The following MYCBP2 variants were observed in gnomAD, a reference collection of about 807,000 sequenced individuals.
MYCBP2 encodes MYC binding protein 2, also known as E3 ubiquitin-protein ligase MYCBP2.
A neutral mutation model predicts 525.3 loss-of-function variants in MYCBP2; 120 were observed. The ratio of observed to expected loss-of-function variants is 0.23; its 90% CI spans 0.20 to 0.27. The LOEUF (loss-of-function observed/expected upper bound fraction) is 0.27. MYCBP2 is among the 10% of genes least tolerant of loss of function. The pLI is 1.00. For missense variants in MYCBP2, 4,149 were observed against 5,657.1 expected (o/e 0.73, Z 8.55); for synonymous variants, 1,894 against 1,955.8 (o/e 0.97, Z 0.83).
intron 26 of MYCBP2, among the ~76,000 whole-genome samples, chr13:77,202,659 A>G (rs1475027788): frequency 6.6e-6 from 1 of 152,008 alleles, no homozygotes; most frequent in East Asian, 1.9e-4. Context: ...AATACTGGCA[A>G]AACGAATCCA....
chr13:77,182,646 C>T (rs1452901722), intron 32 of MYCBP2, among the ~76,000 whole-genome samples: 3 of 152,174 alleles, frequency 2.0e-5, no homozygotes, highest in African/African-American at 4.8e-5. Context: ...TTAAGTTGTG[C>T]ACTAGTCCAG....
chr13:77,077,233 A>G lies in MYCBP2; in HGVS notation c.11639T>C (p.Ile3880Thr). The G allele has an allele frequency of 6.2e-7, 1 of 1,613,982 alleles. No homozygotes were observed. Among genetic ancestry groups the G allele is most frequent in the South Asian group, 1.1e-5 (1 of 91,082 alleles). The change falls in exon 67 of 83, where the codon ATA becomes ACA. Residue 3880 changes from isoleucine to threonine, a missense_variant. Ile to Thr is a moderately conservative substitution (Grantham distance 89). This residue lies in a region of MYCBP2 where 509 missense variants were observed against 789.4 expected (regional missense o/e 0.64). Transcript: ENST00000544440. ...CACACTGGCTGAAATCTGGCCAGCT[A>G]TTTTTGTGCTTTCACCATCTTTCCA... ...LGWKDGESTK[I>T]AGQISASVAQ...
intron 1 of MYCBP2, among the ~76,000 whole-genome samples, chr13:77,319,075 T>C (rs1476079033): frequency 6.6e-6 from 1 of 152,174 alleles, no homozygotes; most frequent in African/African-American, 2.4e-5. Context: ...GTGTCTGTGG[T>C]GGTGCTTTGG....
At chr13:77,185,809 T>C in intron 31 of MYCBP2, 62 bp downstream of exon 31, 1 of 1,244,792 alleles carries the variant, frequency 8.0e-7, no homozygotes, top group Non-Finnish European at 1.1e-6. Flanking sequence ...TATCTCAAAG[T>C]AAATCTTCTC....
At chr13:77,291,660 G>A (rs112047202) in intron 2 of MYCBP2, among the ~76,000 whole-genome samples, 5 of 152,002 alleles carry the variant, frequency 3.3e-5, no homozygotes, top group African/African-American at 1.2e-4. Context: ...CCAGCTCCTC[G>A]GGAGCCTGAG....
rs1191774827 is a variant in MYCBP2 at position 77,068,838 on chromosome 13, A to C, written c.11905-7T>G. The C allele has an allele frequency of 2.7e-5, 43 of 1,612,368 alleles. No individual in the cohort carries two copies. The Admixed American group carries it at 7.2e-4, about 27-fold the overall frequency. On this transcript the variant is annotated splice_region_variant and splice_polypyrimidine_tract_variant and intron_variant, in intron 69 of 82. Transcript: ENST00000544440. The stretch of plus-strand genomic sequence containing the variant: ...GGACAATATGAGCACACACCTATTT[A>C]AAGTTAACACAGAACATGTAAAAAT...
In MYCBP2 at chr13:77,169,660, G is replaced by C. The variant is rs1355684196; in HGVS notation, c.5849C>G (p.Pro1950Arg). ...SSSSLFSMLL[P>R]LIIAYIGPVA... ...TGGTCCTATGTAGGCTATAATAAGG[G>C]GGAGCAGCATGGAAAACAGACTGGA... The change falls in exon 39 of 83, where the codon CCC becomes CGC. Residue 1950 changes from proline to arginine, a missense_variant. By Grantham distance (103) the Pro-to-Arg change is moderately radical (BLOSUM62 -2). Around this residue, in one of 21 missense-constraint regions of MYCBP2, gnomAD observed 692 missense variants for 852.7 expected, o/e 0.81. Coordinates refer to ENST00000544440, the MANE Select transcript of MYCBP2 (RefSeq NM_015057.5). The C allele has an allele frequency of 3.1e-6, 5 of 1,613,922 alleles. No individual in the cohort carries two copies. Among genetic ancestry groups the C allele is most frequent in the Non-Finnish European group, 4.2e-6 (5 of 1,180,012 alleles).
intron 40 of MYCBP2, among the ~76,000 whole-genome samples, chr13:77,166,976 TACACACACACACACACACACACAC>T (rs539593054): frequency 2.4e-5 from 3 of 127,140 alleles, no homozygotes; most frequent in Admixed American, 7.8e-5. Context: ...AACACACACA[TACACACACACACACACACACACAC>T]ACACACACAC....
In MYCBP2 at chr13:77,058,248, G is replaced by A. The variant is rs879025151; in HGVS notation, c.13299C>T (p.Thr4433=). 19 of 1,614,006 alleles carry A rather than the reference G, an allele frequency of 1.2e-5. No individual in the cohort carries two copies. Among genetic ancestry groups the A allele is most frequent in the South Asian group, 4.4e-5 (4 of 91,058 alleles). The part of the protein sequence containing the change: ...DADDMCMICF[T]EALSAAPAIQ... ...TGGCTGGTGCTGCCGAGAGCGCTTC[G>A]GTGAAACATATCATGCACATGTCAT... The change falls in exon 78 of 83, where the codon ACC becomes ACT. Residue 4433 remains threonine (T), a synonymous_variant. Transcript: ENST00000544440. The surrounding 1 kb of genome is among the most constrained non-coding windows in gnomAD (Gnocchi z 4.1).
intron 3 of MYCBP2, among the ~76,000 whole-genome samples, chr13:77,287,122 C>T (rs2076941897): frequency 1.3e-5 from 2 of 150,918 alleles, no homozygotes; most frequent in Non-Finnish European, 2.9e-5. Context: ...CTCCTGACCT[C>T]GTGATCCGCC....
At chr13:77,272,959 G>A (rs763331692) in intron 5 of MYCBP2, among the ~76,000 whole-genome samples, 3 of 152,110 alleles carry the variant, frequency 2.0e-5, no homozygotes, top group Non-Finnish European at 4.4e-5. Context: ...CACTAAAATG[G>A]TGATGAGCTT....
chr13:77,205,168 A>T, intron 26 of MYCBP2, 88 bp downstream of exon 26: 1 of 1,223,768 alleles, frequency 8.2e-7, no homozygotes. Flanking sequence ...AAAAAGGAAA[A>T]AAATTAGACA....
chr13:77,324,294 C>T (rs957509422), intron 1 of MYCBP2, among the ~76,000 whole-genome samples: 1 of 152,222 alleles, frequency 6.6e-6, no homozygotes, highest in African/African-American at 2.4e-5. Flanking sequence ...TGTCTCCTTT[C>T]TCTCACACCT....
chr13:77,155,079 T>C (rs1299151341), intron 46 of MYCBP2, among the ~76,000 whole-genome samples: 2 of 152,098 alleles, frequency 1.3e-5, no homozygotes, highest in African/African-American at 2.4e-5. Context: ...CTATGGATCA[T>C]GGCCAAATAT....
intron 32 of MYCBP2, among the ~76,000 whole-genome samples, chr13:77,182,780 A>G (rs2060333081): frequency 6.6e-6 from 1 of 152,208 alleles, no homozygotes; most frequent in East Asian, 1.9e-4. Context: ...GGGGAGGCCT[A>G]GGACTTCCAG....
At chr13:77,078,684 T>C in intron 66 of MYCBP2, 140 bp downstream of exon 66, 1 of 672,918 alleles carries the variant, frequency 1.5e-6, no homozygotes, top group Non-Finnish European at 2.6e-6. Flanking sequence ...TTTGGACCAC[T>C]TGTCAATTTA....
intron 1 of MYCBP2, among the ~76,000 whole-genome samples, 195 bp from the exon 2 acceptor site, chr13:77,296,869 C>T (rs960521581): frequency 1.3e-5 from 2 of 152,036 alleles, no homozygotes; most frequent in African/African-American, 4.8e-5. Flanking sequence ...TAACATGGGG[C>T]AGCTAAGCAA....
At chr13:77,235,723 TAC>T (rs1356715056) in intron 17 of MYCBP2, among the ~76,000 whole-genome samples, 1 of 152,070 alleles carries the variant, frequency 6.6e-6, no homozygotes, top group African/African-American at 2.4e-5. Flanking sequence ...AGGGAGGGTT[TAC>T]ACACAACTAA....
intron 1 of MYCBP2, among the ~76,000 whole-genome samples, chr13:77,297,508 C>T (rs2078317975): frequency 6.6e-6 from 1 of 151,942 alleles, no homozygotes; most frequent in African/African-American, 2.4e-5. Flanking sequence ...GGAGGTTGTT[C>T]CAGATGCTGA....
Sources: allele counts gnomAD v4.1 joint callset (sites outside exome capture counted in the v4.1 genomes callset), GRCh38; gene constraint gnomAD v4.1.1; regional missense constraint gnomAD v4.1.1; non-coding constraint Gnocchi (gnomAD v3.1); transcripts MANE v1.5; gene names NCBI Gene and HGNC (gene_info 2026-07-23, HGNC 2026-07-21).